Variants in VTI1A observed in about 807,000 individuals in gnomAD.
VTI1A encodes vesicle transport through interaction with t-SNAREs 1A.
A neutral mutation model predicts 34.9 loss-of-function variants in VTI1A; 22 were observed. The observed-to-expected ratio is 0.63, with a 90% confidence interval of 0.45 to 0.90. The LOEUF is 0.90. Ranked by LOEUF, VTI1A falls within the 40% of genes least tolerant of loss-of-function variation. The probability of loss-of-function intolerance (pLI) is 0.00; values close to 1 mark genes in which losing one functional copy is unlikely to be tolerated. For synonymous variants in VTI1A, 87 were observed against 97.3 expected (o/e 0.89, Z 0.62); for missense variants, 268 against 275.6 (o/e 0.97, Z 0.20).
In VTI1A at chr10:112,546,228, T is replaced by C. The variant is rs370540497; in HGVS notation, c.427+7898T>C. On this transcript the variant is annotated intron_variant, in intron 5 of 7. Coordinates refer to ENST00000393077, the MANE Select transcript of VTI1A (RefSeq NM_145206.4). ...ATACACACACACACACACACACACA[T>C]ATATATATACAAAAATTTGGCCAGG... is the stretch of plus-strand genomic sequence containing the variant. Among the ~76,000 whole-genome samples, 896 of 133,144 alleles carry C rather than the reference T, an allele frequency of 6.7e-3. 13 individuals carry two copies. Among genetic ancestry groups the C allele is most frequent in the African/African-American group, 0.021 (740 of 35,612 alleles). The allele number at this position is 133,144 out of a possible 152,430, so 87.3% of individuals were successfully genotyped here.
the VTI1A span, among the ~76,000 whole-genome samples, chr10:112,842,051 C>CTTTTTTTTTTTTTT: frequency 2.9e-4 from 19 of 66,646 alleles, 1 homozygote; most frequent in South Asian, 1.5e-3. Context: ...TTTTTTTTTC[C>CTTTTTTTTTTTTTT]TTTTTTTTTT....
chr10:112,601,662 A>C (rs529307405), intron 5 of VTI1A, among the ~76,000 whole-genome samples: 1 of 152,304 alleles, frequency 6.6e-6, no homozygotes, highest in South Asian at 2.1e-4. Flanking sequence ...ATTAATGGGT[A>C]ATACGAATTC....
chr10:112,737,540 G>A (rs375188627), intron 7 of VTI1A: 16 of 1,049,982 alleles, frequency 1.5e-5, no homozygotes, highest in African/African-American at 5.0e-5. Flanking sequence ...TAGGTACATC[G>A]TGAGCAAGGA....
the VTI1A span, among the ~76,000 whole-genome samples, chr10:112,834,506 C>T: frequency 6.6e-6 from 1 of 152,194 alleles, no homozygotes; most frequent in Non-Finnish European, 1.5e-5. Flanking sequence ...ATGCAAAGAA[C>T]CCTCTCATGG....
chr10:112,567,190 C>A (rs61623445), intron 5 of VTI1A, among the ~76,000 whole-genome samples: 1 of 151,950 alleles, frequency 6.6e-6, no homozygotes, highest in African/African-American at 2.4e-5. Flanking sequence ...CCACCATGCC[C>A]GGCTAATTTT....
downstream of VTI1A, among the ~76,000 whole-genome samples, chr10:112,821,621 C>T (rs990386747): frequency 6.6e-5 from 10 of 152,186 alleles, no homozygotes; most frequent in African/African-American, 2.2e-4. Flanking sequence ...ATACCCCCAG[C>T]GCTGACAAGC....
intron 7 of VTI1A, among the ~76,000 whole-genome samples, chr10:112,674,625 C>A (rs972011753): frequency 6.6e-6 from 1 of 152,132 alleles, no homozygotes; most frequent in Non-Finnish European, 1.5e-5. Context: ...ATTCTTTGAG[C>A]CTTAAGTGCA....
chr10:112,521,416 A>G (rs1282879922), intron 3 of VTI1A, among the ~76,000 whole-genome samples: 1 of 152,042 alleles, frequency 6.6e-6, no homozygotes, highest in Non-Finnish European at 1.5e-5. Context: ...TCAGCCATGT[A>G]TGCCTACTAG....
chr10:112,851,250 A>G, the VTI1A span, among the ~76,000 whole-genome samples: 3 of 152,334 alleles, frequency 2.0e-5, no homozygotes, highest in South Asian at 6.2e-4. Context: ...GGCCACATGC[A>G]TTCCTTTTCT....
chr10:112,768,577 AC>A (rs1197562071), intron 7 of VTI1A, among the ~76,000 whole-genome samples: 1 of 152,154 alleles, frequency 6.6e-6, no homozygotes, highest in Non-Finnish European at 1.5e-5. Context: ...CTCCGATGCC[AC>A]AAAGAAAGCA....
At chr10:112,647,389 T>G (rs1044674478) in intron 5 of VTI1A, among the ~76,000 whole-genome samples, 5 of 152,178 alleles carry the variant, frequency 3.3e-5, no homozygotes, top group Admixed American at 2.6e-4. Flanking sequence ...AGGCTCTGCT[T>G]ATAAAATCAT....
intron 3 of VTI1A, among the ~76,000 whole-genome samples, chr10:112,477,058 G>A (rs1334956145): frequency 1.3e-5 from 2 of 152,142 alleles, no homozygotes; most frequent in African/African-American, 2.4e-5. Context: ...GTTAAATTGG[G>A]ACTAGAATAG....
chr10:112,703,807 C>T (rs1849098851), intron 7 of VTI1A, among the ~76,000 whole-genome samples: 1 of 152,128 alleles, frequency 6.6e-6, no homozygotes, highest in Admixed American at 6.5e-5. Context: ...TTGATAGATG[C>T]ACTGTAGAGT....
chr10:112,598,999 T>C (rs573626989), intron 5 of VTI1A, among the ~76,000 whole-genome samples: 1 of 152,322 alleles, frequency 6.6e-6, no homozygotes, highest in South Asian at 2.1e-4. Context: ...TATTCCTTCC[T>C]TCATTCAGTC....
At chr10:112,824,234 T>G in the VTI1A span, 1 of 152,382 alleles carries the variant, frequency 6.6e-6, no homozygotes, top group Non-Finnish European at 1.5e-5. Flanking sequence ...ACACTCTTGG[T>G]GCTAAAGTTC....
intron 5 of VTI1A, among the ~76,000 whole-genome samples, chr10:112,655,763 G>T (rs189619820): frequency 6.6e-6 from 1 of 152,334 alleles, no homozygotes; most frequent in Admixed American, 6.5e-5. Flanking sequence ...ACTACAGAAT[G>T]TTGAAGAATG....
chr10:112,641,174 C>T (rs1403699172), intron 5 of VTI1A, among the ~76,000 whole-genome samples: 1 of 152,004 alleles, frequency 6.6e-6, no homozygotes, highest in African/African-American at 2.4e-5. Flanking sequence ...TCTGAGCAGG[C>T]TTGTTGAGCT....
intron 3 of VTI1A, among the ~76,000 whole-genome samples, chr10:112,494,473 T>G (rs1033995591): frequency 1.3e-5 from 2 of 152,134 alleles, no homozygotes; most frequent in Admixed American, 1.3e-4. Context: ...GTGAGATTGA[T>G]TTTAGACTTC....
chr10:112,605,043 C>G lies in VTI1A; in HGVS notation c.428-63175C>G, dbSNP rs80117490. ...GAATTCCTTTCGGTATACATTATAA[C>G]CTTTTTCCCCACAGAGAGGTTATTT... is the stretch of plus-strand genomic sequence containing the variant. On this transcript the variant is annotated intron_variant, in intron 5 of 7. Transcript: ENST00000393077. Among the ~76,000 whole-genome samples, 64 of 152,260 alleles carry G rather than the reference C, an allele frequency of 4.2e-4. 1 individual carries two copies. In the East Asian group the frequency reaches 9.5e-3, roughly 23 times the overall value.
Sources: gnomAD v4.1 joint callset for allele counts (sites outside exome capture counted in the v4.1 genomes callset) on GRCh38, gnomAD v4.1.1 for gene constraint, MANE v1.5 for transcripts, NCBI Gene and HGNC (gene_info 2026-07-23, HGNC 2026-07-21) for gene names.